Variants in GTSF1 observed in about 807,000 individuals in gnomAD.
GTSF1 encodes gametocyte-specific factor 1.
Under a neutral mutation model 28.9 loss-of-function variants are expected in GTSF1, and 11 were observed. That is an observed-to-expected ratio of 0.38 (90% confidence interval 0.24 to 0.63). The LOEUF (loss-of-function observed/expected upper bound fraction) is 0.63. GTSF1 is among the 30% of genes least tolerant of loss of function. GTSF1 has a pLI of 0.56. For synonymous variants in GTSF1, 69 were observed against 65.6 expected (o/e 1.05, Z -0.25); for missense variants, 146 against 201.0 (o/e 0.73, Z 1.66).
chr12:54,459,758 G>A (rs1478362565), intron 7 of GTSF1, among the ~76,000 whole-genome samples: 4 of 96,386 alleles, frequency 4.1e-5, no homozygotes, highest in Non-Finnish European at 7.7e-5. Context: ...ACGGAGTCTC[G>A]CTCTGTCGCC....
intron 2 of GTSF1, among the ~76,000 whole-genome samples, chr12:54,465,981 GACT>G (rs1240489496): frequency 6.6e-6 from 1 of 152,088 alleles, no homozygotes; most frequent in Non-Finnish European, 1.5e-5. Flanking sequence ...TTAATCTAGT[GACT>G]ACTACATTAG....
intron 6 of GTSF1, 50 bp downstream of exon 6, chr12:54,462,059 G>T: frequency 7.1e-7 from 1 of 1,400,578 alleles, no homozygotes; most frequent in Non-Finnish European, 1.0e-6. Context: ...CTTGGTAACA[G>T]AACACGCTGA....
intron 1 of GTSF1, among the ~76,000 whole-genome samples, chr12:54,473,016 A>G (rs1565663489): frequency 6.6e-6 from 1 of 152,168 alleles, no homozygotes; most frequent in Non-Finnish European, 1.5e-5. Flanking sequence ...CCCGGACAAA[A>G]GGACGAATTA....
intron 3 of GTSF1, among the ~76,000 whole-genome samples, chr12:54,463,563 T>C (rs1956458314): frequency 6.6e-6 from 1 of 152,178 alleles, no homozygotes; most frequent in South Asian, 2.1e-4. Flanking sequence ...AAACAATGAA[T>C]TTAGGATTGG....
chr12:54,472,804 G>T (rs1172803409), intron 1 of GTSF1, among the ~76,000 whole-genome samples: 1 of 152,118 alleles, frequency 6.6e-6, no homozygotes, highest in Non-Finnish European at 1.5e-5. Flanking sequence ...AATCATTAGT[G>T]AATTTGTCTT....
intron 8 of GTSF1, among the ~76,000 whole-genome samples, chr12:54,457,293 T>C (rs1014902471): frequency 6.6e-6 from 1 of 152,250 alleles, no homozygotes; most frequent in Non-Finnish European, 1.5e-5. Flanking sequence ...TCTTAAGTTA[T>C]AGACACAGAA....
At position 54,460,465 on chromosome 12, in the gene GTSF1, C is replaced by T. The variant is rs764553625; in HGVS notation, c.399G>A (p.Ala133=). ...TCTTATGTTCTGTAACTATGTTGCT[C>T]GCAGGGCTGCAAAAAGATGAATTTG... ...TTHYSDNNSP[A]SNIVTEHKNN... Residue 133 remains alanine (A), a synonymous_variant, in exon 7 of 9, where the codon GCG becomes GCA. Coordinates refer to ENST00000305879, the MANE Select transcript of GTSF1 (RefSeq NM_144594.3). The T allele has an allele frequency of 9.9e-6, 16 of 1,611,912 alleles. No individual in the cohort carries two copies. The highest frequency in any genetic ancestry group is 4.5e-5 in the East Asian group (2 of 44,860).
At chr12:54,459,158 C>T (rs749238624) in intron 7 of GTSF1, 33 bp from the exon 8 acceptor site, 1 of 1,586,116 alleles carries the variant, frequency 6.3e-7, no homozygotes, top group South Asian at 1.1e-5. Context: ...ATAAATACAC[C>T]ATGTCAATTG....
intron 6 of GTSF1, among the ~76,000 whole-genome samples, chr12:54,461,337 C>T (rs1025283068): frequency 2.0e-5 from 3 of 152,000 alleles, no homozygotes; most frequent in African/African-American, 4.8e-5. Context: ...CTGGCCTCAG[C>T]GATCCTCCCA....
rs764553625 is a variant in GTSF1 at position 54,460,465 on chromosome 12, C to G, written c.399G>C (p.Ala133=). Residue 133 remains alanine, a synonymous_variant, in exon 7 of 9, where the codon GCG becomes GCC. Transcript: ENST00000305879. ...TTHYSDNNSP[A]SNIVTEHKNN... is the part of the protein sequence containing the mutation. ...TCTTATGTTCTGTAACTATGTTGCT[C>G]GCAGGGCTGCAAAAAGATGAATTTG... The G allele has an allele frequency of 6.2e-7, 1 of 1,612,032 alleles. No individual in the cohort carries two copies. The highest frequency in any genetic ancestry group is 8.5e-7 in the Non-Finnish European group (1 of 1,178,404).
At chr12:54,464,015 A>AG (rs1592319658) in intron 3 of GTSF1, among the ~76,000 whole-genome samples, 1 of 152,356 alleles carries the variant, frequency 6.6e-6, no homozygotes, top group East Asian at 1.9e-4. Flanking sequence ...GAAATTTATT[A>AG]GGAAAAAAAA....
intron 2 of GTSF1, among the ~76,000 whole-genome samples, chr12:54,468,325 T>C (rs1271728168): frequency 1.3e-5 from 2 of 152,058 alleles, no homozygotes; most frequent in Non-Finnish European, 2.9e-5. Context: ...TTTGCCATGT[T>C]GGTCAGGCTG....
intron 8 of GTSF1, among the ~76,000 whole-genome samples, chr12:54,458,517 G>A (rs537767255): frequency 2.6e-5 from 4 of 152,124 alleles, no homozygotes; most frequent in African/African-American, 9.6e-5. Flanking sequence ...GATTACAGGC[G>A]TGCACCACCA....
chr12:54,469,033 A>G (rs1340969411), intron 2 of GTSF1: 1 of 152,244 alleles, frequency 6.6e-6, no homozygotes, highest in Non-Finnish European at 1.5e-5. Flanking sequence ...TATGCTTCCA[A>G]GAATAAGTGT....
At position 54,462,118 on chromosome 12, in the gene GTSF1, TCAGAGTA is replaced by T; in HGVS notation, c.376_382del (p.Tyr126ThrfsTer9). 6.2e-7 allele frequency: 1 copy of T among 1,612,820 alleles called. No individual in the cohort carries two copies. Among genetic ancestry groups the T allele is most frequent in the Non-Finnish European group, 8.5e-7 (1 of 1,178,842 alleles). On this transcript the variant is annotated frameshift_variant, in exon 6 of 9. Coordinates refer to ENST00000305879, the MANE Select transcript of GTSF1 (RefSeq NM_144594.3). LOFTEE classifies it high-confidence loss of function. ...AGACTATTTCATTTACCTGTTGTTG[TCAGAGTA>T]GTGAGTTGTGCCCCAGACAAATGGG...
At chr12:54,470,818 CTGCTT>C (rs1956584832) in intron 2 of GTSF1, among the ~76,000 whole-genome samples, 1 of 152,172 alleles carries the variant, frequency 6.6e-6, no homozygotes, top group African/African-American at 2.4e-5. Flanking sequence ...GGTGCTGGCT[CTGCTT>C]TGATTTCTTG....
chr12:54,460,519 G>A (rs749130131), intron 6 of GTSF1, 48 bp from the exon 7 acceptor site: 1 of 1,211,758 alleles, frequency 8.3e-7, no homozygotes, highest in Non-Finnish European at 1.2e-6. Flanking sequence ...TATCATTCAA[G>A]CAGGCACACG....
Position 54,460,511 on chromosome 12 carries a change from T to C in GTSF1, c.393-40A>G, listed in dbSNP as rs780201591. 9 of 1,373,472 alleles carry C rather than the reference T, an allele frequency of 6.6e-6. No individual in the cohort carries two copies. The South Asian group carries it at 1.1e-4, about 16-fold the overall frequency. The allele number at this position is 1,373,472 out of a possible 1,614,324, so 85.1% of individuals were successfully genotyped here. A position where few individuals can be genotyped will look rare whatever the true frequency, so the allele number is the denominator to read the frequency against. On this transcript the variant is annotated intron_variant, in intron 6 of 8. Coordinates refer to ENST00000305879, the MANE Select transcript of GTSF1 (RefSeq NM_144594.3). ...ATTTGGCTATGTCGGCAGATCAGTATCATTCAAGCAGGCACACGTAAGATA... is the reference window on the plus strand; with the variant it reads ...ATTTGGCTATGTCGGCAGATCAGTACCATTCAAGCAGGCACACGTAAGATA...
chr12:54,459,059 G>C (rs1459624686), intron 8 of GTSF1, 30 bp downstream of exon 8: 4 of 1,517,232 alleles, frequency 2.6e-6, no homozygotes, highest in Admixed American at 1.8e-5. Context: ...ACCATCTGAA[G>C]AGACAGTGAA....
Sources: allele counts gnomAD v4.1 joint callset (sites outside exome capture counted in the v4.1 genomes callset), GRCh38; gene constraint gnomAD v4.1.1; transcripts MANE v1.5; gene names NCBI Gene and HGNC (gene_info 2026-07-23, HGNC 2026-07-21).